The following PDE1C variants were observed in gnomAD, a reference collection of about 807,000 sequenced individuals.
The protein encoded by PDE1C is dual specificity calcium/calmodulin-dependent 3',5'-cyclic nucleotide phosphodiesterase 1C.
PDE1C carries 62 observed loss-of-function variants against 93.1 expected under a neutral mutation model. The ratio of observed to expected loss-of-function variants is 0.67; its 90% confidence interval spans 0.54 to 0.82. PDE1C has a LOEUF of 0.82. Among genes scored for constraint, PDE1C ranks in the 40% least tolerant of loss-of-function variants. PDE1C has a pLI of 0.00. For synonymous variants in PDE1C, 325 were observed against 310.1 expected, an observed-to-expected ratio of 1.05 and a Z score of -0.50; for missense variants, 742 against 884.6, an observed-to-expected ratio of 0.84 and a Z score of 2.04.
chr7:32,317,697 C>G (rs1230788737), intron 1 of PDE1C, among the ~76,000 whole-genome samples: 1 of 152,136 alleles, frequency 6.6e-6, no homozygotes, highest in East Asian at 1.9e-4. Flanking sequence ...ACAGTGCAAG[C>G]TCCACAGCCA....
At chr7:32,355,322 C>T (rs531675234) in intron 1 of PDE1C, among the ~76,000 whole-genome samples, 1 of 152,330 alleles carries the variant, frequency 6.6e-6, no homozygotes, top group African/African-American at 2.4e-5. Context: ...CCTCCCTTAG[C>T]CCTCAATGCA....
chr7:32,133,662 C>G (rs1243650082), intron 3 of PDE1C, among the ~76,000 whole-genome samples: 1 of 152,092 alleles, frequency 6.6e-6, no homozygotes, highest in Non-Finnish European at 1.5e-5. Context: ...GACTATGAAC[C>G]AAGTTAATTG....
At chr7:32,334,335 C>A (rs1783570975) in intron 1 of PDE1C, among the ~76,000 whole-genome samples, 1 of 152,118 alleles carries the variant, frequency 6.6e-6, no homozygotes, top group Non-Finnish European at 1.5e-5. Context: ...TAATTCCACT[C>A]AAACTTTGTC....
the PDE1C span, among the ~76,000 whole-genome samples, chr7:31,702,325 G>A: frequency 1.3e-5 from 2 of 152,150 alleles, no homozygotes; most frequent in Admixed American, 6.5e-5. Flanking sequence ...GCTAGATAGG[G>A]TGGTGCAGAG....
At chr7:32,006,239 G>GA (rs1452616375) in intron 2 of PDE1C, among the ~76,000 whole-genome samples, 2 of 151,848 alleles carry the variant, frequency 1.3e-5, no homozygotes, top group Non-Finnish European at 2.9e-5. Flanking sequence ...CTCTCCTCTT[G>GA]TTTTTTTGGC....
chr7:31,999,472 T>C (rs1047516829), intron 2 of PDE1C, among the ~76,000 whole-genome samples: 1 of 152,232 alleles, frequency 6.6e-6, no homozygotes. Flanking sequence ...CCATGCTCAG[T>C]AGAGCCCAAC....
chr7:31,780,634 C>T (rs1371334027), intron 16 of PDE1C, among the ~76,000 whole-genome samples: 2 of 152,212 alleles, frequency 1.3e-5, no homozygotes, highest in Admixed American at 1.3e-4. Context: ...TTTTCCTCAT[C>T]TATGAAATTG....
At chr7:32,073,626 T>G (rs1563287759), upstream of PDE1C, among the ~76,000 whole-genome samples, 1 of 152,166 alleles carries the variant, frequency 6.6e-6, no homozygotes, top group African/African-American at 2.4e-5. Context: ...CAACTAAGGA[T>G]TCCTTGCTCC....
chr7:31,640,342 G>A, the PDE1C span, among the ~76,000 whole-genome samples: 7 of 152,134 alleles, frequency 4.6e-5, no homozygotes, highest in Non-Finnish European at 7.3e-5. Context: ...TCACATGCAT[G>A]AGCTCATCAG....
chr7:32,240,112 C>A (rs1808434801), intron 1 of PDE1C, among the ~76,000 whole-genome samples: 1 of 152,204 alleles, frequency 6.6e-6, no homozygotes, highest in South Asian at 2.1e-4. Flanking sequence ...CATGTGAAAG[C>A]TGTTTGTTAC....
intron 3 of PDE1C, among the ~76,000 whole-genome samples, chr7:32,117,732 G>T (rs1271098475): frequency 6.6e-6 from 1 of 152,176 alleles, no homozygotes; most frequent in Admixed American, 6.5e-5. Flanking sequence ...GCAGGTTGCA[G>T]TCAAGAGTGT....
downstream of PDE1C, among the ~76,000 whole-genome samples, chr7:31,749,640 C>T (rs146691616): frequency 6.6e-6 from 1 of 151,626 alleles, no homozygotes; most frequent in East Asian, 1.9e-4. Context: ...AGAAGAAGGG[C>T]GAGAAGATGC....
intron 3 of PDE1C, among the ~76,000 whole-genome samples, chr7:32,084,191 G>A (rs754561443): frequency 1.3e-5 from 2 of 151,842 alleles, no homozygotes; most frequent in African/African-American, 2.4e-5. Flanking sequence ...AAAAAGGCAG[G>A]GGTTGCAATC....
the PDE1C span, among the ~76,000 whole-genome samples, chr7:31,695,309 T>G: frequency 1.3e-5 from 2 of 152,226 alleles, no homozygotes; most frequent in Non-Finnish European, 2.9e-5. Context: ...GCAAGGCTAA[T>G]AAAGTCCTTT....
intron 3 of PDE1C, among the ~76,000 whole-genome samples, chr7:32,149,381 A>G (rs967039739): frequency 6.6e-6 from 1 of 152,204 alleles, no homozygotes; most frequent in Non-Finnish European, 1.5e-5. Flanking sequence ...ATTAGCCAGA[A>G]CACCTCTGAT....
the PDE1C span, among the ~76,000 whole-genome samples, chr7:31,621,259 C>A: frequency 1.4e-5 from 2 of 147,890 alleles, no homozygotes; most frequent in African/African-American, 2.5e-5. Flanking sequence ...GCAGAGAATG[C>A]CACAAAGATA....
the PDE1C span, among the ~76,000 whole-genome samples, chr7:31,681,619 T>TC: frequency 1.3e-4 from 20 of 152,298 alleles, no homozygotes; most frequent in African/African-American, 4.8e-4. Context: ...CTCTCTCATT[T>TC]CCATCAGATT....
chr7:31,660,050 T>C, the PDE1C span, among the ~76,000 whole-genome samples: 6 of 152,134 alleles, frequency 3.9e-5, no homozygotes, highest in Admixed American at 6.6e-5. Flanking sequence ...TTTCCCCCTT[T>C]TTTTTTGGCA....
At chr7:31,720,702 G>T in the PDE1C span, among the ~76,000 whole-genome samples, 99 of 152,280 alleles carry the variant, frequency 6.5e-4, 1 homozygote, top group African/African-American at 2.0e-3. Flanking sequence ...ATTTGTAACT[G>T]TGTAGTTATA....
Sources: allele counts gnomAD v4.1 joint callset (sites outside exome capture counted in the v4.1 genomes callset), GRCh38; gene constraint gnomAD v4.1.1; transcripts MANE v1.5; gene names NCBI Gene and HGNC (gene_info 2026-07-23, HGNC 2026-07-21).